The following ERO1A variants were observed in gnomAD, a reference collection of about 807,000 sequenced individuals.
ERO1A encodes endoplasmic reticulum oxidoreductase 1 alpha, also known as ERO1-like protein alpha.
Under a neutral mutation model 76.9 loss-of-function variants are expected in ERO1A, and 49 were observed. The ratio of observed to expected loss-of-function variants is 0.64; its 90% CI spans 0.51 to 0.81. The LOEUF (loss-of-function observed/expected upper bound fraction) is 0.81, where lower values mean the gene tolerates loss of function less well. Ranked by LOEUF, ERO1A falls within the 30% of genes least tolerant of loss-of-function variation. The pLI is 0.00. For synonymous variants in ERO1A, 174 were observed against 181.2 expected (o/e 0.96, Z 0.32); for missense variants, 448 against 542.1 (o/e 0.83, Z 1.72).
chr14:52,653,469 T>C (rs2039945114), intron 11 of ERO1A, among the ~76,000 whole-genome samples, 154 bp from the exon 12 acceptor site: 2 of 152,066 alleles, frequency 1.3e-5, no homozygotes, highest in Non-Finnish European at 2.9e-5. Flanking sequence ...ATTTAGCCTT[T>C]AATAGTTTTA....
chr14:52,659,576 T>C (rs192546348), intron 9 of ERO1A, among the ~76,000 whole-genome samples: 3 of 152,146 alleles, frequency 2.0e-5, no homozygotes, highest in South Asian at 2.1e-4. Flanking sequence ...ACCCCTAGGA[T>C]TGGTGAAAGA....
In ERO1A at chr14:52,664,334, G is replaced by A. The variant is rs2040331561; in HGVS notation, c.630-487C>T. The A allele has an allele frequency of 3.3e-5, 5 of 152,074 alleles. No individual in the cohort carries two copies. The South Asian group carries it at 1.0e-3, about 32-fold the overall frequency. The allele number at this position is 152,074 out of a possible 1,614,324, so 9.4% of individuals were successfully genotyped here. A position where few individuals can be genotyped will look rare whatever the true frequency, so the allele number is the denominator to read the frequency against. Reference sequence around the variant, plus strand: ...ATCAATTTGCCCTGTAGCTAAGTTTGTTACAATTTAAATAAAAGTTGTTTG... The same window carrying A: ...ATCAATTTGCCCTGTAGCTAAGTTTATTACAATTTAAATAAAAGTTGTTTG... On this transcript the variant is annotated intron_variant, in intron 7 of 15. Coordinates refer to ENST00000395686, the MANE Select transcript of ERO1A (RefSeq NM_014584.3).
At chr14:52,691,116 T>C (rs560147337) in intron 1 of ERO1A, among the ~76,000 whole-genome samples, 46 of 152,338 alleles carry the variant, frequency 3.0e-4, no homozygotes, top group Non-Finnish European at 4.6e-4. Flanking sequence ...AATACATAAA[T>C]AAATCAATGT....
At chr14:52,658,058 T>C (rs1372832625) in intron 10 of ERO1A, 49 bp from the exon 11 acceptor site, 3 of 1,508,578 alleles carry the variant, frequency 2.0e-6, no homozygotes, top group African/African-American at 2.8e-5. Context: ...GTGAATCTTG[T>C]AGACATAAAA....
intron 4 of ERO1A, among the ~76,000 whole-genome samples, chr14:52,676,977 G>C (rs3783451): frequency 0.11 from 16,461 of 151,786 alleles, 980 homozygotes; most frequent in South Asian, 0.2. Flanking sequence ...CAGAAAAAAT[G>C]ATAAATCAGA....
chr14:52,642,920 A>G lies in ERO1A; in HGVS notation c.*650T>C, dbSNP rs1437481393. 3 of 152,612 alleles carry G rather than the reference A, an allele frequency of 2.0e-5. No homozygotes were observed. Among genetic ancestry groups the G allele is most frequent in the African/African-American group, 7.2e-5 (3 of 41,456 alleles). 9.5% of individuals were successfully genotyped at this position (152,612 alleles called of 1,614,324 possible). On this transcript the variant is annotated 3_prime_UTR_variant, in exon 16 of 16. Coordinates refer to ENST00000395686, the MANE Select transcript of ERO1A (RefSeq NM_014584.3). ...CAAAAACAACCCAATCAAAATAGCA[A>G]TATACTTCTAAAAGTGATTTGTTTC...
At chr14:52,655,786 G>GT (rs988374314) in intron 11 of ERO1A, among the ~76,000 whole-genome samples, 2 of 151,772 alleles carry the variant, frequency 1.3e-5, no homozygotes, top group South Asian at 2.1e-4. Context: ...CATTTTCTGG[G>GT]TTTTTTTAAT....
At chr14:52,648,969 A>C (rs2039763245) in intron 13 of ERO1A, among the ~76,000 whole-genome samples, 1 of 152,214 alleles carries the variant, frequency 6.6e-6, no homozygotes, top group South Asian at 2.1e-4. Flanking sequence ...AATTAGTAAA[A>C]ATTAGTAAGG....
intron 1 of ERO1A, among the ~76,000 whole-genome samples, chr14:52,694,504 C>T (rs1047972921): frequency 3.3e-5 from 5 of 152,064 alleles, no homozygotes; most frequent in Non-Finnish European, 7.4e-5. Context: ...ATAGCAAAAT[C>T]CACTTAGGAA....
At chr14:52,673,772 C>T (rs2040690407) in intron 4 of ERO1A, among the ~76,000 whole-genome samples, 1 of 151,500 alleles carries the variant, frequency 6.6e-6, no homozygotes, top group Non-Finnish European at 1.5e-5. Flanking sequence ...GGATCTGGTT[C>T]TGTCACCCAA....
At position 52,641,961 on chromosome 14, in the gene ERO1A, A is replaced by T. The variant is rs1017377788; in HGVS notation, c.*1609T>A. On this transcript the variant is annotated 3_prime_UTR_variant, in exon 16 of 16. Coordinates refer to ENST00000395686, the MANE Select transcript of ERO1A (RefSeq NM_014584.3). ...CCAGGCCTTAGGGACACAGAAGAAG[A>T]AGTATACAGCAGTGTAAACTGACAT... 2.6e-5 allele frequency: 4 copies of T among 152,170 alleles called. No homozygotes were observed. Among genetic ancestry groups the T allele is most frequent in the Non-Finnish European group, 4.4e-5 (3 of 68,038 alleles). 9.4% of individuals were successfully genotyped at this position (152,170 alleles called of 1,614,324 possible).
intron 15 of ERO1A, among the ~76,000 whole-genome samples, chr14:52,645,896 C>T (rs1167472324): frequency 6.6e-6 from 1 of 151,354 alleles, no homozygotes; most frequent in East Asian, 2.0e-4. Flanking sequence ...ATTAGCCAGG[C>T]GTGGTGTCAC....
At chr14:52,657,024 G>A (rs772031553) in intron 11 of ERO1A, among the ~76,000 whole-genome samples, 4 of 152,180 alleles carry the variant, frequency 2.6e-5, no homozygotes, top group African/African-American at 4.8e-5. Context: ...GCTAAAACAG[G>A]GAGGGGGCTG....
intron 1 of ERO1A, among the ~76,000 whole-genome samples, chr14:52,693,002 C>CTTTTTTTTTTTTTTTTTTT (rs559143853): frequency 1.2e-5 from 1 of 85,710 alleles, no homozygotes; most frequent in African/African-American, 4.6e-5. Context: ...AAATAGACAA[C>CTTTTTTTTTTTTTTTTTTT]TTTTTTTTTT....
intron 1 of ERO1A, among the ~76,000 whole-genome samples, chr14:52,687,514 G>A (rs1480631617): frequency 6.6e-6 from 1 of 152,200 alleles, no homozygotes; most frequent in Admixed American, 6.5e-5. Flanking sequence ...GGGAAACAAA[G>A]CAAAATCCTA....
At chr14:52,671,567 TAAA>T in intron 6 of ERO1A, 60 bp downstream of exon 6, 1 of 1,246,256 alleles carries the variant, frequency 8.0e-7, no homozygotes. Flanking sequence ...TTAAAATAAT[TAAA>T]AACTTTTTTT....
intron 1 of ERO1A, among the ~76,000 whole-genome samples, chr14:52,688,191 A>G (rs71422098): frequency 0.11 from 16,975 of 151,988 alleles, 1,049 homozygotes; most frequent in South Asian, 0.22. Flanking sequence ...GCCTCAAAAA[A>G]ATAGAAAAGA....
At chr14:52,661,431 T>A in intron 8 of ERO1A, 127 bp from the exon 9 acceptor site, 1 of 624,840 alleles carries the variant, frequency 1.6e-6, no homozygotes, top group Non-Finnish European at 2.5e-6. Context: ...TTCACACAAG[T>A]AAAATCTGAA....
At chr14:52,681,077 T>C (rs1434254355) in intron 3 of ERO1A, among the ~76,000 whole-genome samples, 3 of 152,340 alleles carry the variant, frequency 2.0e-5, no homozygotes, top group Admixed American at 6.5e-5. Context: ...GAAGACAGTA[T>C]GGCAGATCCT....
Sources: allele counts gnomAD v4.1 joint callset (sites outside exome capture counted in the v4.1 genomes callset), GRCh38; gene constraint gnomAD v4.1.1; transcripts MANE v1.5; gene names NCBI Gene and HGNC (gene_info 2026-07-23, HGNC 2026-07-21).